The following PRKAG2 variants were observed in gnomAD, a reference collection of about 807,000 sequenced individuals.
PRKAG2 encodes protein kinase AMP-activated non-catalytic subunit gamma 2.
Under a neutral mutation model 69.6 loss-of-function variants are expected in PRKAG2, and 26 were observed. The ratio of observed to expected loss-of-function variants is 0.37; its 90% CI spans 0.27 to 0.52. The LOEUF (loss-of-function observed/expected upper bound fraction) is 0.52, where lower values mean the gene tolerates loss of function less well. Among genes scored for constraint, PRKAG2 ranks in the 20% least tolerant of loss-of-function variants. PRKAG2 has a pLI of 0.90. For missense variants in PRKAG2, 557 were observed against 740.0 expected (o/e 0.75, Z 2.87); for synonymous variants, 293 against 285.0 (o/e 1.03, Z -0.28).
chr7:151,590,863 T>C (rs559774330), intron 6 of PRKAG2, among the ~76,000 whole-genome samples: 48 of 152,360 alleles, frequency 3.2e-4, no homozygotes, highest in African/African-American at 1.0e-3. Context: ...TTATGAGAAA[T>C]TGTTCATTAA....
In PRKAG2 at chr7:151,876,494, T is replaced by G. The variant is rs1267179380; in HGVS notation, c.114+13A>C. The G allele has an allele frequency of 6.2e-7, 1 of 1,600,920 alleles. No individual in the cohort carries two copies. Among genetic ancestry groups the G allele is most frequent in the Non-Finnish European group, 8.5e-7 (1 of 1,176,862 alleles). ...GAGGGCTGGGGAGCAGGGGACCGAG[T>G]GCTGGGACTCACCGGAATGTGCACG... On this transcript the variant is annotated intron_variant, in intron 1 of 15. Coordinates refer to ENST00000287878, the MANE Select transcript of PRKAG2 (RefSeq NM_016203.4).
intron 1 of PRKAG2, among the ~76,000 whole-genome samples, chr7:151,865,121 G>C (rs2080029500): frequency 6.6e-6 from 1 of 152,254 alleles, no homozygotes; most frequent in Non-Finnish European, 1.5e-5. Flanking sequence ...CACAGGCAGA[G>C]TCTGTCCCTC....
intron 3 of PRKAG2, among the ~76,000 whole-genome samples, chr7:151,764,117 G>C (rs1264941631): frequency 1.3e-5 from 2 of 152,216 alleles, no homozygotes; most frequent in African/African-American, 2.4e-5. Flanking sequence ...GTGTGAATTG[G>C]GGGGTGAGGT....
chr7:151,742,991 CG>C (rs1162025564), intron 3 of PRKAG2, among the ~76,000 whole-genome samples: 1 of 152,100 alleles, frequency 6.6e-6, no homozygotes, highest in African/African-American at 2.4e-5. Context: ...CATACGTGGG[CG>C]GGGGAAAGTT....
chr7:151,802,656 T>C (rs2151840496), intron 1 of PRKAG2, among the ~76,000 whole-genome samples: 1 of 152,286 alleles, frequency 6.6e-6, no homozygotes, highest in South Asian at 2.1e-4. Context: ...GAGAAAGGAA[T>C]GAACATTGAA....
At position 151,788,288 on chromosome 7, in the gene PRKAG2, C is replaced by G. The variant is rs1391143529; in HGVS notation, c.115-1747G>C. On this transcript the variant is annotated intron_variant, in intron 1 of 15. Transcript: ENST00000287878. The surrounding 1 kb of genome is among the most constrained non-coding windows in gnomAD (Gnocchi z 4.6). ...TATCTTTGGTCTTTGTTTTCTGTGA[C>G]AGCCATCTTAAGTGGGCGTGAGCTG... Among the ~76,000 whole-genome samples the G allele has an allele frequency of 6.6e-6, 1 of 152,240 alleles. No homozygotes were observed. Among genetic ancestry groups the G allele is most frequent in the African/African-American group, 2.4e-5 (1 of 41,468 alleles).
chr7:151,767,548 TC>T (rs2075801409), intron 3 of PRKAG2, among the ~76,000 whole-genome samples: 1 of 152,220 alleles, frequency 6.6e-6, no homozygotes, highest in Non-Finnish European at 1.5e-5. Context: ...GACTTGGCCT[TC>T]CAAAGTGCTG....
At position 151,814,839 on chromosome 7, in the gene PRKAG2, C is replaced by T; in HGVS notation, c.115-28298G>A. 2 of 1,231,792 alleles carry T rather than the reference C, an allele frequency of 1.6e-6. No individual in the cohort carries two copies. Among genetic ancestry groups the T allele is most frequent in the Non-Finnish European group, 2.0e-6 (2 of 987,990 alleles). 76.3% of individuals were successfully genotyped at this position (1,231,792 alleles called of 1,614,324 possible). On this transcript the variant is annotated intron_variant, in intron 1 of 15. Coordinates refer to ENST00000287878, the MANE Select transcript of PRKAG2 (RefSeq NM_016203.4). The surrounding 1 kb of genome is among the most constrained non-coding windows in gnomAD (Gnocchi z 4.8). ...ACGGGACTGCAGCAAACTGTCATTC[C>T]CACCTGTGTCAGGCGCTGCTGGGGA...
chr7:151,601,389 T>A (rs1268741403), intron 5 of PRKAG2, among the ~76,000 whole-genome samples: 1 of 152,226 alleles, frequency 6.6e-6, no homozygotes, highest in Non-Finnish European at 1.5e-5. Flanking sequence ...ATTTGAATGA[T>A]CAGTATCTTA....
chr7:151,742,939 C>T (rs909397673), intron 3 of PRKAG2, among the ~76,000 whole-genome samples: 4 of 152,324 alleles, frequency 2.6e-5, no homozygotes, highest in African/African-American at 4.8e-5. Flanking sequence ...GGAGAGATGG[C>T]GCCTTCCCAT....
At chr7:151,845,390 C>T (rs1329334997) in intron 1 of PRKAG2, among the ~76,000 whole-genome samples, 1 of 152,168 alleles carries the variant, frequency 6.6e-6, no homozygotes, top group African/African-American at 2.4e-5. Flanking sequence ...CAGCAGCGTC[C>T]TTGTCAACCT....
intron 4 of PRKAG2, among the ~76,000 whole-genome samples, chr7:151,637,326 T>A (rs1477470441): frequency 3.3e-5 from 5 of 152,218 alleles, no homozygotes; most frequent in Admixed American, 1.3e-4. Flanking sequence ...TGCAATAATT[T>A]AAAAAAATTC....
rs546978459 is a variant in PRKAG2, at chr7:151,679,231, G to T, written c.467-3594C>A. Among the ~76,000 whole-genome samples, 409 of 152,256 alleles carry T rather than the reference G, an allele frequency of 2.7e-3. 3 individuals are homozygous for T. The highest frequency in any genetic ancestry group is 9.5e-3 in the African/African-American group (393 of 41,560). ...CAGTAGCCAGGGCTCGGGGAGGCCT[G>T]CCCGGGGCCTCTCAGGGGGATCTGC... On this transcript the variant is annotated intron_variant, in intron 3 of 15. Coordinates refer to ENST00000287878, the MANE Select transcript of PRKAG2 (RefSeq NM_016203.4).
At chr7:151,827,230 CATTT>C (rs943881570) in intron 1 of PRKAG2, among the ~76,000 whole-genome samples, 22 of 152,094 alleles carry the variant, frequency 1.4e-4, no homozygotes, top group African/African-American at 5.1e-4. Flanking sequence ...TATTTATTTT[CATTT>C]ATTTATTCAT....
At chr7:151,735,924 GGCGCCTC>G in intron 3 of PRKAG2, 1 of 1,536,342 alleles carries the variant, frequency 6.5e-7, no homozygotes, top group Non-Finnish European at 8.7e-7. Context: ...GGCTCCGACT[GGCGCCTC>G]TCCGTGCTTC....
intron 7 of PRKAG2, among the ~76,000 whole-genome samples, chr7:151,575,512 A>G (rs181141103): frequency 4.5e-4 from 69 of 152,364 alleles, no homozygotes; most frequent in African/African-American, 1.6e-3. Flanking sequence ...TAAGAGAGAC[A>G]ATGGCATTGT....
At chr7:151,773,034 A>AAAGAAAGG (rs2076122001) in intron 3 of PRKAG2, among the ~76,000 whole-genome samples, 1 of 30,248 alleles carries the variant, frequency 3.3e-5, no homozygotes, top group African/African-American at 1.1e-4. Flanking sequence ...AGAGAGAGAG[A>AAAGAAAGG]GAGAGAGAGA....
At chr7:151,561,938 A>G (rs1805078492) in intron 14 of PRKAG2, among the ~76,000 whole-genome samples, 1 of 135,106 alleles carries the variant, frequency 7.4e-6, no homozygotes, top group African/African-American at 2.8e-5. Context: ...GTCTTAAAAA[A>G]AAAAAAAAAA....
intron 3 of PRKAG2, among the ~76,000 whole-genome samples, chr7:151,688,198 C>T (rs952676891): frequency 6.6e-6 from 1 of 152,130 alleles, no homozygotes; most frequent in African/African-American, 2.4e-5. Flanking sequence ...GGCTTCCTGG[C>T]CCTGGCGGCA....
Sources: allele counts gnomAD v4.1 joint callset (sites outside exome capture counted in the v4.1 genomes callset), GRCh38; gene constraint gnomAD v4.1.1; non-coding constraint Gnocchi (gnomAD v3.1); transcripts MANE v1.5; gene names NCBI Gene and HGNC (gene_info 2026-07-23, HGNC 2026-07-21).